Variants in GNAL observed in about 807,000 individuals in gnomAD.
GNAL encodes the protein G protein subunit alpha L, also known as guanine nucleotide-binding protein G(olf) subunit alpha.
Under a neutral mutation model 55.1 loss-of-function variants are expected in GNAL, and 18 were observed. That is an observed-to-expected ratio of 0.33 (90% confidence interval 0.23 to 0.48). The LOEUF is 0.48. Among genes scored for constraint, GNAL ranks in the 20% least tolerant of loss-of-function variants. The pLI, the probability that GNAL is intolerant of heterozygous loss-of-function variation, is 0.99. For synonymous variants in GNAL, 253 were observed against 237.0 expected (o/e 1.07, Z -0.62); for missense variants, 412 against 614.1 (o/e 0.67, Z 3.48).
At chr18:11,801,137 G>A (rs896498616) in intron 4 of GNAL, among the ~76,000 whole-genome samples, 1 of 152,200 alleles carries the variant, frequency 6.6e-6, no homozygotes, top group African/African-American at 2.4e-5. Flanking sequence ...CTTAGCATGT[G>A]TCAAGGGCAA....
intron 1 of GNAL, among the ~76,000 whole-genome samples, chr18:11,710,857 C>T (rs1308774563): frequency 6.6e-6 from 1 of 151,648 alleles, no homozygotes; most frequent in East Asian, 1.9e-4. Flanking sequence ...ATTACAATGT[C>T]TCAGTATGAA....
At chr18:11,873,916 C>G (rs1241993537) in intron 10 of GNAL, 1 of 152,850 alleles carries the variant, frequency 6.5e-6, no homozygotes, top group African/African-American at 2.4e-5. Context: ...TGGCTGTGGT[C>G]CAGGCCCTCA....
intron 4 of GNAL, among the ~76,000 whole-genome samples, chr18:11,789,770 T>C (rs1053388146): frequency 1.3e-5 from 2 of 152,222 alleles, no homozygotes; most frequent in East Asian, 1.9e-4. Flanking sequence ...TTGATACATA[T>C]ACTGCTCATG....
chr18:11,758,420 T>C (rs2033132699), intron 4 of GNAL, among the ~76,000 whole-genome samples: 1 of 152,202 alleles, frequency 6.6e-6, no homozygotes, highest in Admixed American at 6.5e-5. Context: ...GCTCACGTGA[T>C]ACAGTTATTC....
intron 1 of GNAL, among the ~76,000 whole-genome samples, chr18:11,722,830 G>A (rs956381178): frequency 6.6e-6 from 1 of 152,132 alleles, no homozygotes; most frequent in African/African-American, 2.4e-5. Context: ...TGACCAACAT[G>A]GAGAAACCCT....
intron 1 of GNAL, among the ~76,000 whole-genome samples, chr18:11,702,966 A>C (rs576549008): frequency 6.6e-6 from 1 of 152,232 alleles, no homozygotes; most frequent in East Asian, 1.9e-4. Flanking sequence ...AAAATTACAA[A>C]AATTAGATGG....
chr18:11,799,288 C>T (rs773240906), intron 4 of GNAL, among the ~76,000 whole-genome samples: 11 of 152,176 alleles, frequency 7.2e-5, no homozygotes, highest in Non-Finnish European at 1.3e-4. Context: ...CCCAGAAGCA[C>T]TGTGAGTACT....
intron 1 of GNAL, among the ~76,000 whole-genome samples, chr18:11,710,825 G>T (rs1461850184): frequency 2.0e-5 from 3 of 152,092 alleles, no homozygotes; most frequent in Non-Finnish European, 4.4e-5. Context: ...TCAAAAAATT[G>T]TCTTTGACTT....
rs959122237 is a variant in GNAL at position 11,714,882 on chromosome 18, G to A, written c.376+24943G>A. Among the ~76,000 whole-genome samples, 7 of 152,234 alleles carry A rather than the reference G, an allele frequency of 4.6e-5. 1 individual carries two copies. The highest frequency in any genetic ancestry group is 3.9e-4 in the Admixed American group (6 of 15,302). On this transcript the variant is annotated intron_variant, in intron 1 of 11. Transcript: ENST00000334049. Reference sequence around the variant, plus strand: ...AAGGATAGCTAATGCTGGGTGTGGCGGTTCACACCAGCACTTTGGGAGGCC... The same window carrying A: ...AAGGATAGCTAATGCTGGGTGTGGCAGTTCACACCAGCACTTTGGGAGGCC...
intron 4 of GNAL, among the ~76,000 whole-genome samples, chr18:11,822,306 A>T (rs1053334783): frequency 6.6e-6 from 1 of 152,140 alleles, no homozygotes; most frequent in Non-Finnish European, 1.5e-5. Flanking sequence ...CAAAACAAAC[A>T]AACGAACAAA....
intron 1 of GNAL, among the ~76,000 whole-genome samples, chr18:11,704,386 T>C (rs2031655495): frequency 6.6e-6 from 1 of 152,242 alleles, no homozygotes; most frequent in Non-Finnish European, 1.5e-5. Flanking sequence ...TTGCTGTGGC[T>C]TCACTATGCC....
chr18:11,866,741 G>A (rs984403295), intron 7 of GNAL, among the ~76,000 whole-genome samples: 6 of 150,358 alleles, frequency 4.0e-5, no homozygotes, highest in Non-Finnish European at 7.3e-5. Flanking sequence ...TCCATGGGAG[G>A]GAAGACACAG....
chr18:11,746,915 G>A, intron 1 of GNAL: 1 of 539,416 alleles, frequency 1.9e-6, no homozygotes, highest in Non-Finnish European at 3.8e-6. Context: ...ATTTTCCTTG[G>A]AAACTTAGGA....
chr18:11,828,351 C>T (rs559728340), intron 5 of GNAL, among the ~76,000 whole-genome samples: 2 of 136,650 alleles, frequency 1.5e-5, no homozygotes, highest in African/African-American at 6.4e-5. Flanking sequence ...CTGCCGTGAG[C>T]TATCATTGTG....
Position 11,753,447 on chromosome 18 carries a change from A to G in GNAL, c.450-181A>G, listed in dbSNP as rs2032930205. 2.0e-5 allele frequency: 11 copies of G among 550,788 alleles called. No homozygotes were observed. In the South Asian group the frequency reaches 2.9e-4, roughly 15 times the overall value. The allele number at this position is 550,788 out of a possible 1,614,324, so 34.1% of individuals were successfully genotyped here. A position where few individuals can be genotyped will look rare whatever the true frequency, so the allele number is the denominator to read the frequency against. ...TTCAAGTTTGTTTAGAGTACAAATT[A>G]GAAAAGAAGGGTGCTTTCCTTTCCC... On this transcript the variant is annotated intron_variant, in intron 2 of 11. Transcript: ENST00000334049.
Position 11,751,444 on chromosome 18 carries a change from G to C in GNAL, c.377-1409G>C. 1 of 916,762 alleles carries C rather than the reference G, an allele frequency of 1.1e-6. No homozygotes were observed. Among genetic ancestry groups the C allele is most frequent in the Non-Finnish European group, 1.3e-6 (1 of 767,136 alleles). 56.8% of individuals were successfully genotyped at this position (916,762 alleles called of 1,614,324 possible). A position where few individuals can be genotyped will look rare whatever the true frequency, so the allele number is the denominator to read the frequency against. On this transcript the variant is annotated intron_variant, in intron 1 of 11. Coordinates refer to ENST00000334049, the MANE Select transcript of GNAL (RefSeq NM_182978.4). The surrounding 1 kb of genome is among the most constrained non-coding windows in gnomAD (Gnocchi z 4.5). The stretch of plus-strand genomic sequence containing the variant: ...GCTGGAGGTAAAGACAGGAGGCTCG[G>C]GAGGCGGCGACGTGGGCGAGCTGGA...
intron 4 of GNAL, among the ~76,000 whole-genome samples, chr18:11,755,871 A>G (rs1314574372): frequency 6.6e-6 from 1 of 152,184 alleles, no homozygotes; most frequent in African/African-American, 2.4e-5. Context: ...CACTGATGCT[A>G]TGTACACTGG....
At chr18:11,780,403 A>G (rs185379323) in intron 4 of GNAL, among the ~76,000 whole-genome samples, 1 of 152,142 alleles carries the variant, frequency 6.6e-6, no homozygotes, top group East Asian at 1.9e-4. Context: ...TTTTTTGGTC[A>G]AATGTTAAGA....
At chr18:11,760,970 A>G (rs1211783264) in intron 4 of GNAL, among the ~76,000 whole-genome samples, 1 of 152,180 alleles carries the variant, frequency 6.6e-6, no homozygotes, top group Non-Finnish European at 1.5e-5. Context: ...TAATATCTAA[A>G]ACAGTGGCTG....
Sources: gnomAD v4.1 joint callset for allele counts (sites outside exome capture counted in the v4.1 genomes callset) on GRCh38, gnomAD v4.1.1 for gene constraint, Gnocchi (gnomAD v3.1) non-coding constraint, MANE v1.5 for transcripts, NCBI Gene and HGNC (gene_info 2026-07-23, HGNC 2026-07-21) for gene names.